The following MME variants were observed in gnomAD, a reference collection of about 807,000 sequenced individuals.
The protein encoded by MME is membrane metalloendopeptidase.
A neutral mutation model predicts 113.2 loss-of-function variants in MME; 98 were observed. That is an observed-to-expected ratio of 0.87 (90% CI 0.74 to 1.02). The LOEUF (loss-of-function observed/expected upper bound fraction) is 1.02. Among genes scored for constraint, MME ranks in the 50% least tolerant of loss-of-function variants. The pLI is 0.00. For synonymous variants in MME, 292 were observed against 300.6 expected, an observed-to-expected ratio of 0.97 and a Z score of 0.30; for missense variants, 836 against 896.0, an observed-to-expected ratio of 0.93 and a Z score of 0.86.
chr3:155,180,251 A>G, intron 22 of MME, 109 bp from the exon 23 acceptor site: 1 of 839,310 alleles, frequency 1.2e-6, no homozygotes, highest in Non-Finnish European at 2.1e-6. Context: ...TTTAACTTTA[A>G]ATTCCAAATT....
intron 3 of MME, 82 bp downstream of exon 3, chr3:155,085,176 T>C (rs1715568118): frequency 2.3e-6 from 2 of 884,630 alleles, no homozygotes; most frequent in Non-Finnish European, 3.6e-6. Flanking sequence ...ATTTGCTTTG[T>C]TTACACTTTT....
At chr3:155,056,081 G>C (rs1713916663) in intron 1 of MME, among the ~76,000 whole-genome samples, 2 of 151,888 alleles carry the variant, frequency 1.3e-5, no homozygotes, top group Non-Finnish European at 2.9e-5. Flanking sequence ...CAAATTGTTG[G>C]TTCATAGAAA....
intron 19 of MME, 26 bp downstream of exon 19, chr3:155,168,651 A>T (rs1255758626): frequency 1.2e-6 from 2 of 1,613,722 alleles, no homozygotes; most frequent in East Asian, 4.5e-5. Flanking sequence ...TCTCTTGAAA[A>T]GTTTTAGACA....
At chr3:155,136,703 A>T (rs1461849174) in intron 8 of MME, among the ~76,000 whole-genome samples, 2 of 152,178 alleles carry the variant, frequency 1.3e-5, no homozygotes, top group Admixed American at 1.3e-4. Context: ...TGATTAATGG[A>T]TCACTGTAAA....
chr3:155,084,319 C>A lies in MME; in HGVS notation c.152C>A (p.Thr51Asn). 6.2e-7 allele frequency: 1 copy of A among 1,614,110 alleles called. No individual in the cohort carries two copies. Among genetic ancestry groups the A allele is most frequent in the Non-Finnish European group, 8.5e-7 (1 of 1,180,016 alleles). ...IAVTMIALYA[T>N]YDDGICKSSD... The stretch of plus-strand genomic sequence containing the variant: ...GTGACAATGATCGCACTCTATGCAA[C>A]CTACGATGGTGAGTTACTCCCACAC... The change falls in exon 2 of 23, where the codon ACC becomes AAC. Residue 51 changes from threonine to asparagine, a missense_variant. Physicochemically the swap from Thr to Asn is moderately conservative, Grantham distance 65. Coordinates refer to ENST00000360490, the MANE Select transcript of MME (RefSeq NM_007289.4).
chr3:155,111,429 A>G (rs906381422), intron 3 of MME, among the ~76,000 whole-genome samples: 2 of 152,200 alleles, frequency 1.3e-5, no homozygotes, highest in Non-Finnish European at 2.9e-5. Context: ...GGAGTTAGCA[A>G]AGTTGCCTCT....
intron 3 of MME, among the ~76,000 whole-genome samples, chr3:155,087,150 A>T (rs61762328): frequency 6.6e-6 from 1 of 150,398 alleles, no homozygotes; most frequent in Admixed American, 6.6e-5. Flanking sequence ...GATATTCTTT[A>T]CTTGGATTTT....
At chr3:155,160,246 T>C (rs1370166992) in intron 16 of MME, 144 bp from the exon 17 acceptor site, 12 of 693,226 alleles carry the variant, frequency 1.7e-5, no homozygotes, top group Non-Finnish European at 3.2e-5. Flanking sequence ...AGCTCTCACC[T>C]AGTGAACTAA....
intron 3 of MME, among the ~76,000 whole-genome samples, chr3:155,097,088 G>A (rs1203441132): frequency 1.3e-5 from 2 of 152,190 alleles, no homozygotes; most frequent in Non-Finnish European, 2.9e-5. Flanking sequence ...TGTTCACCAA[G>A]CTAGGGAGCA....
Position 155,032,509 on chromosome 3 carries a change from C to A in MME, c.-11+8185C>A, listed in dbSNP as rs190341569. Reference sequence around the variant, plus strand: ...TAAAAGCAGAGCTTCAATTCCAACTCCATTGACTGTGAATTAGGTTGCTTG... The same window carrying A: ...TAAAAGCAGAGCTTCAATTCCAACTACATTGACTGTGAATTAGGTTGCTTG... On this transcript the variant is annotated intron_variant, in intron 1 of 22. Coordinates refer to the MME transcript ENST00000492661. Among the ~76,000 whole-genome samples the A allele has an allele frequency of 2.0e-5, 3 of 152,338 alleles. No individual in the cohort carries two copies. In the East Asian group the frequency reaches 5.8e-4, roughly 29 times the overall value.
intron 1 of MME, among the ~76,000 whole-genome samples, chr3:155,063,662 CAT>C (rs1250017300): frequency 2.2e-5 from 2 of 91,570 alleles, no homozygotes; most frequent in South Asian, 3.4e-4. Flanking sequence ...GATTATATAA[CAT>C]ATTATATATT....
chr3:155,100,420 G>A (rs367942231), intron 3 of MME, among the ~76,000 whole-genome samples: 5 of 152,220 alleles, frequency 3.3e-5, no homozygotes, highest in African/African-American at 1.2e-4. Flanking sequence ...TGGAGAGGAT[G>A]TGGAGAAATA....
Position 155,180,696 on chromosome 3 carries a change from A to C in MME, c.*237A>C, listed in dbSNP as rs1412128749. 1 of 488,966 alleles carries C rather than the reference A, an allele frequency of 2.0e-6. No homozygotes were observed. Among genetic ancestry groups the C allele is most frequent in the South Asian group, 2.1e-5 (1 of 47,466 alleles). The allele number at this position is 488,966 out of a possible 1,614,324, so 30.3% of individuals were successfully genotyped here. A position where few individuals can be genotyped will look rare whatever the true frequency, so the allele number is the denominator to read the frequency against. On this transcript the variant is annotated 3_prime_UTR_variant, in exon 23 of 23. Transcript: ENST00000360490. ...TTTCTCACTGTGTACATAATGCTTA[A>C]TTTCTAAAGATAATATTACTGTTTA...
At chr3:155,068,435 C>T (rs1051413096) in intron 1 of MME, among the ~76,000 whole-genome samples, 1 of 152,108 alleles carries the variant, frequency 6.6e-6, no homozygotes, top group Admixed American at 6.6e-5. Context: ...TAAATATGTG[C>T]AGTTTATTGT....
chr3:155,050,389 T>C (rs1235573761), intron 1 of MME, among the ~76,000 whole-genome samples: 6 of 152,204 alleles, frequency 3.9e-5, no homozygotes, highest in Non-Finnish European at 5.9e-5. Flanking sequence ...TTCTGTTTAG[T>C]TCTTTAAGGA....
chr3:155,144,495 T>C (rs1342944574), intron 14 of MME, 38 bp downstream of exon 14: 2 of 1,334,584 alleles, frequency 1.5e-6, no homozygotes, highest in African/African-American at 1.4e-5. Flanking sequence ...GAAAAATCTT[T>C]GCTAGTATAG....
chr3:155,118,676 A>T, intron 7 of MME, 70 bp from the exon 8 acceptor site: 2 of 983,894 alleles, frequency 2.0e-6, no homozygotes, highest in South Asian at 1.4e-5. Context: ...ATAGATAGAC[A>T]TGCTTGTATT....
chr3:155,118,755 C>CT lies in MME; in HGVS notation c.664_665insT (p.Pro222LeufsTer8). The CT allele has an allele frequency of 6.3e-7, 1 of 1,595,898 alleles. No individual in the cohort carries two copies. Among genetic ancestry groups the CT allele is most frequent in the Middle Eastern group, 1.7e-4 (1 of 6,000 alleles). On this transcript the variant is annotated frameshift_variant, in exon 8 of 23. Transcript: ENST00000360490. LOFTEE classifies it high-confidence loss of function. ...TGTATATTTTTTATAGATTGACCAACCTCGACTTGGCCTCCCTTCTAGAGA... is the reference window on the plus strand; with the variant it reads ...TGTATATTTTTTATAGATTGACCAACTCTCGACTTGGCCTCCCTTCTAGAGA...
chr3:155,089,393 C>A (rs1326453171), intron 3 of MME, among the ~76,000 whole-genome samples: 1 of 152,146 alleles, frequency 6.6e-6, no homozygotes, highest in Non-Finnish European at 1.5e-5. Flanking sequence ...AACTCAATCA[C>A]TATTGATATT....
Sources: allele counts gnomAD v4.1 joint callset (sites outside exome capture counted in the v4.1 genomes callset), GRCh38; gene constraint gnomAD v4.1.1; transcripts MANE v1.5; gene names NCBI Gene and HGNC (gene_info 2026-07-23, HGNC 2026-07-21).